SPIDR: variants seen among roughly 807,000 people sequenced by gnomAD.
The protein encoded by SPIDR is scaffold protein involved in DNA repair.
A neutral mutation model predicts 104.6 loss-of-function variants in SPIDR; 93 were observed. That is an observed-to-expected ratio of 0.89 (90% confidence interval 0.75 to 1.06). The LOEUF (loss-of-function observed/expected upper bound fraction) is 1.06, where lower values mean the gene tolerates loss of function less well. Among genes scored for constraint, SPIDR ranks in the 50% least tolerant of loss-of-function variants. SPIDR has a pLI of 0.00. For synonymous variants in SPIDR, 431 were observed against 416.9 expected, an observed-to-expected ratio of 1.03 and a Z score of -0.41; for missense variants, 1,154 against 1,111.2, an observed-to-expected ratio of 1.04 and a Z score of -0.55.
At chr8:47,434,139 T>C (rs1212116321) in intron 7 of SPIDR, among the ~76,000 whole-genome samples, 1 of 152,068 alleles carries the variant, frequency 6.6e-6, no homozygotes, top group Non-Finnish European at 1.5e-5. Context: ...TAGTTTGGAG[T>C]GAGTGCAGCA....
chr8:47,504,957 A>G (rs2081238954), intron 8 of SPIDR, among the ~76,000 whole-genome samples: 1 of 152,150 alleles, frequency 6.6e-6, no homozygotes, highest in Non-Finnish European at 1.5e-5. Context: ...GATATTGGTG[A>G]ACAGCAAATG....
chr8:47,367,604 G>C lies in SPIDR; in HGVS notation c.526-28772G>C, dbSNP rs142805940. Among the ~76,000 whole-genome samples the C allele has an allele frequency of 1.3e-3, 202 of 152,334 alleles. 1 individual carries two copies. The highest frequency in any genetic ancestry group is 4.7e-3 in the African/African-American group (194 of 41,566). ...TATATAAACTCACAAATTTAAGACAGTGGGAATATGGGACTAGAAAGAAGT... is the reference window on the plus strand; with the variant it reads ...TATATAAACTCACAAATTTAAGACACTGGGAATATGGGACTAGAAAGAAGT... On this transcript the variant is annotated intron_variant, in intron 5 of 19. Transcript: ENST00000297423.
intron 11 of SPIDR, among the ~76,000 whole-genome samples, chr8:47,675,918 A>G (rs927433517): frequency 6.6e-6 from 1 of 152,162 alleles, no homozygotes; most frequent in African/African-American, 2.4e-5. Flanking sequence ...GGGCTCTTTC[A>G]CTCGGCTGCC....
intron 10 of SPIDR, chr8:47,667,915 G>C (rs1682689813): frequency 6.6e-6 from 1 of 151,872 alleles, no homozygotes; most frequent in Non-Finnish European, 1.5e-5. Flanking sequence ...ACAAATGTAA[G>C]AATACTGTAG....
chr8:47,338,588 G>C (rs902619), intron 5 of SPIDR, among the ~76,000 whole-genome samples: 72,074 of 152,026 alleles, frequency 0.47, 20,779 homozygotes, highest in African/African-American at 0.82. Context: ...AAAGCAGATA[G>C]AACAATGAAG....
intron 5 of SPIDR, among the ~76,000 whole-genome samples, chr8:47,364,498 G>A (rs1047650061): frequency 2.6e-5 from 4 of 152,180 alleles, no homozygotes; most frequent in South Asian, 2.1e-4. Flanking sequence ...AAGGTGTGAC[G>A]AACCTACCCC....
chr8:47,671,173 G>A (rs1203827826), intron 10 of SPIDR, among the ~76,000 whole-genome samples: 2 of 152,286 alleles, frequency 1.3e-5, no homozygotes, highest in Non-Finnish European at 2.9e-5. Context: ...GCCTCCCAAA[G>A]TGCTGGGATT....
intron 7 of SPIDR, among the ~76,000 whole-genome samples, chr8:47,429,810 T>TA (rs1374928399): frequency 3.3e-5 from 5 of 151,054 alleles, no homozygotes; most frequent in East Asian, 1.9e-4. Context: ...CTTATATATA[T>TA]TTTTTTTATT....
rs1167637594 is a variant in SPIDR at position 47,638,378 on chromosome 8, A to G, written c.1545-35423A>G. On this transcript the variant is annotated intron_variant, in intron 10 of 19. Transcript: ENST00000297423. Reference sequence around the variant, plus strand: ...AGGCTGGTCTCAGACTCCTGAACTCAGGTGATTCCCTTCCCTCAGCCTCCC... The same window carrying G: ...AGGCTGGTCTCAGACTCCTGAACTCGGGTGATTCCCTTCCCTCAGCCTCCC... 2.0e-5 allele frequency among the ~76,000 whole-genome samples: 3 copies of G among 152,304 alleles called. No individual in the cohort carries two copies. In the East Asian group the frequency reaches 5.8e-4, roughly 29 times the overall value.
intron 10 of SPIDR, chr8:47,660,395 T>A (rs970567773): frequency 1.2e-5 from 11 of 930,468 alleles, no homozygotes; most frequent in Non-Finnish European, 1.4e-5. Flanking sequence ...CACTGTGGAA[T>A]GTGGTTTCAT....
At chr8:47,377,952 GTATCT>G (rs781842551) in intron 5 of SPIDR, among the ~76,000 whole-genome samples, 5 of 152,198 alleles carry the variant, frequency 3.3e-5, no homozygotes, top group African/African-American at 9.7e-5. Flanking sequence ...TTATTCAGCA[GTATCT>G]TATCTTCATT....
At chr8:47,420,045 A>C (rs529778433) in intron 7 of SPIDR, among the ~76,000 whole-genome samples, 80 of 152,204 alleles carry the variant, frequency 5.3e-4, no homozygotes, top group African/African-American at 1.9e-3. Context: ...CTATGTGGTC[A>C]GTTTTGGAAT....
intron 8 of SPIDR, among the ~76,000 whole-genome samples, chr8:47,551,851 A>G (rs1206873140): frequency 6.6e-6 from 1 of 151,874 alleles, no homozygotes; most frequent in East Asian, 1.9e-4. Context: ...TAGTTCTTTT[A>G]ATTGTGATGT....
intron 11 of SPIDR, among the ~76,000 whole-genome samples, chr8:47,679,293 T>C (rs997528800): frequency 2.0e-5 from 3 of 152,240 alleles, no homozygotes; most frequent in African/African-American, 7.2e-5. Context: ...GCCATTCATA[T>C]GAGGAGCCCT....
At chr8:47,286,911 T>C (rs1413886680) in intron 3 of SPIDR, among the ~76,000 whole-genome samples, 3 of 152,330 alleles carry the variant, frequency 2.0e-5, no homozygotes, top group African/African-American at 7.2e-5. Context: ...TCTAAAAACA[T>C]GTACTTTGGT....
At chr8:47,372,709 A>G (rs192024221) in intron 5 of SPIDR, among the ~76,000 whole-genome samples, 38 of 152,206 alleles carry the variant, frequency 2.5e-4, no homozygotes, top group Admixed American at 2.3e-3. Flanking sequence ...TGGAATAGGT[A>G]TTATTCTTTT....
intron 7 of SPIDR, among the ~76,000 whole-genome samples, chr8:47,424,624 A>G (rs2066127226): frequency 6.6e-6 from 1 of 152,118 alleles, no homozygotes; most frequent in Admixed American, 6.6e-5. Flanking sequence ...GGACCCTTAG[A>G]TGTTCTTAAA....
At chr8:47,574,168 A>T (rs1278298934) in intron 8 of SPIDR, among the ~76,000 whole-genome samples, 2 of 152,142 alleles carry the variant, frequency 1.3e-5, no homozygotes, top group Non-Finnish European at 2.9e-5. Context: ...TGATTCTTTT[A>T]TGTTTGTAAT....
rs369730711 is a variant in SPIDR, at chr8:47,291,530, C to G, written c.361+393C>G. Among the ~76,000 whole-genome samples the G allele has an allele frequency of 5.3e-5, 8 of 152,292 alleles. No homozygotes were observed. The South Asian group carries it at 1.0e-3, about 20-fold the overall frequency. Reference sequence around the variant, plus strand: ...GTCCCAGAGAATGAAAATTAAATTCCTTTCTAATAGTTAGGATTTTACTGA... The same window carrying G: ...GTCCCAGAGAATGAAAATTAAATTCGTTTCTAATAGTTAGGATTTTACTGA... On this transcript the variant is annotated intron_variant, in intron 4 of 19. Transcript: ENST00000297423.
Sources: allele counts gnomAD v4.1 joint callset (sites outside exome capture counted in the v4.1 genomes callset), GRCh38; gene constraint gnomAD v4.1.1; transcripts MANE v1.5; gene names NCBI Gene and HGNC (gene_info 2026-07-23, HGNC 2026-07-21).